Variants in MACF1 observed in about 807,000 individuals in gnomAD.
MACF1 encodes the protein microtubule actin crosslinking factor 1, also known as microtubule-actin cross-linking factor 1.
A neutral mutation model predicts 854.8 loss-of-function variants in MACF1; 193 were observed. The observed-to-expected ratio is 0.23, with a 90% CI of 0.20 to 0.25. MACF1 has a LOEUF of 0.25. Among genes scored for constraint, MACF1 ranks in the 10% least tolerant of loss-of-function variants. The probability of loss-of-function intolerance (pLI) is 1.00; values close to 1 mark genes in which losing one functional copy is unlikely to be tolerated. For missense variants in MACF1, 7,722 were observed against 8,929.1 expected (o/e 0.86, Z 5.45); for synonymous variants, 3,185 against 3,226.7 (o/e 0.99, Z 0.44).
intron 2 of MACF1, among the ~76,000 whole-genome samples, chr1:39,087,886 C>G (rs1357015801): frequency 6.6e-6 from 1 of 152,088 alleles, no homozygotes; most frequent in Non-Finnish European, 1.5e-5. Flanking sequence ...AATTCTTCTG[C>G]CTCAGCCTCC....
intron 97 of MACF1, among the ~76,000 whole-genome samples, chr1:39,473,561 G>A (rs1272743622): frequency 1.3e-5 from 2 of 152,194 alleles, no homozygotes; most frequent in African/African-American, 4.8e-5. Context: ...GCGAGAGAGT[G>A]AGCCCCACTG....
chr1:39,331,121 A>T, intron 36 of MACF1, 82 bp from the exon 37 acceptor site: 1 of 1,432,810 alleles, frequency 7.0e-7, no homozygotes, highest in African/African-American at 1.5e-5. Flanking sequence ...TCCTTTCAAT[A>T]GTTGTGCTTT....
chr1:39,103,045 A>G (rs998070762), intron 2 of MACF1: 4 of 675,334 alleles, frequency 5.9e-6, no homozygotes, highest in Non-Finnish European at 1.1e-5. Flanking sequence ...TCCTGGGAGC[A>G]TTTAAATGCA....
At chr1:39,128,541 A>G (rs1449506181) in intron 2 of MACF1, among the ~76,000 whole-genome samples, 1 of 151,474 alleles carries the variant, frequency 6.6e-6, no homozygotes, top group Non-Finnish European at 1.5e-5. Context: ...CTAAAAATAC[A>G]AAAAAAAATT....
intron 23 of MACF1, among the ~76,000 whole-genome samples, chr1:39,307,731 C>T (rs1355380111): frequency 6.6e-6 from 1 of 150,836 alleles, no homozygotes; most frequent in Non-Finnish European, 1.5e-5. Flanking sequence ...CACCACCACA[C>T]CCAGCTAATT....
In MACF1 at chr1:39,430,890, T is replaced by C. The variant is rs751550900; in HGVS notation, c.17319T>C (p.Ala5773=). Reference sequence around the variant, plus strand: ...AAAGGGTGGATGAAATTGATGCTGCTATTCAGAGATCACAACAGGTAATGC... The same window carrying C: ...AAAGGGTGGATGAAATTGATGCTGCCATTCAGAGATCACAACAGGTAATGC... ...IGQRVDEIDA[A]IQRSQQYEQA... Residue 5773 remains alanine, a synonymous_variant, in exon 66 of 101, where the codon GCT becomes GCC. Transcript: ENST00000564288. The C allele has an allele frequency of 6.2e-7, 1 of 1,612,358 alleles. No homozygotes were observed. The highest frequency in any genetic ancestry group is 1.1e-5 in the South Asian group (1 of 91,002).
chr1:39,111,779 G>C (rs1430016884), intron 2 of MACF1, among the ~76,000 whole-genome samples: 1 of 152,128 alleles, frequency 6.6e-6, no homozygotes, highest in East Asian at 1.9e-4. Context: ...CTCCCAAAAC[G>C]CTGGGATTTC....
At chr1:39,206,768 C>G (rs1004763799) in intron 1 of MACF1, 1 of 152,060 alleles carries the variant, frequency 6.6e-6, no homozygotes, top group Non-Finnish European at 1.5e-5. Flanking sequence ...GAGTTACTTA[C>G]GAGATTCTGT....
At chr1:39,089,351 T>G (rs1641749738) in intron 2 of MACF1, among the ~76,000 whole-genome samples, 1 of 152,228 alleles carries the variant, frequency 6.6e-6, no homozygotes, top group Non-Finnish European at 1.5e-5. Flanking sequence ...TTAAGCTATG[T>G]GCCAGTAGAA....
At chr1:39,367,716 G>A (rs1337830928) in intron 49 of MACF1, among the ~76,000 whole-genome samples, 1 of 152,176 alleles carries the variant, frequency 6.6e-6, no homozygotes, top group East Asian at 1.9e-4. Context: ...CGTTTGTTTA[G>A]AGGAGACAAG....
intron 1 of MACF1, chr1:39,215,291 T>C (rs1481261899): frequency 6.6e-6 from 1 of 152,566 alleles, no homozygotes; most frequent in Non-Finnish European, 1.5e-5. Flanking sequence ...CTGCGAAGGG[T>C]GCACAGGCCA....
At chr1:39,103,291 G>C (rs1642139462) in intron 2 of MACF1, 2 of 312,304 alleles carry the variant, frequency 6.4e-6, no homozygotes, top group Admixed American at 9.2e-5. Flanking sequence ...TGCTCACAAA[G>C]TGGCGCGTGT....
chr1:39,148,016 A>G (rs1436483707), intron 2 of MACF1, among the ~76,000 whole-genome samples: 1 of 152,120 alleles, frequency 6.6e-6, no homozygotes, highest in African/African-American at 2.4e-5. Context: ...TTCATACTGT[A>G]ATCTTTTGTC....
chr1:39,312,906 C>T (rs1438834550), intron 26 of MACF1, among the ~76,000 whole-genome samples: 1 of 152,130 alleles, frequency 6.6e-6, no homozygotes, highest in East Asian at 1.9e-4. Flanking sequence ...ATCAGTTGAC[C>T]AAATAATGCT....
chr1:39,360,806 C>G lies in MACF1; in HGVS notation c.12258C>G (p.Ser4086Arg). ...HVQETTDSILSHFQSLSYSLA... is the reference protein window; with the variant it reads ...HVQETTDSILRHFQSLSYSLA... ...CTGATTTTTCAGATTCCATACTCAG[C>G]CACTTCCAAAGCCTCTCCTATAGCC... Residue 4086 changes from serine (S) to arginine (R), a missense_variant, in exon 48 of 101, where the codon AGC becomes AGG. Physicochemically the swap from Ser to Arg is moderately radical, Grantham distance 110 (BLOSUM62 -1). Transcript: ENST00000564288. 1 of 1,607,388 alleles carries G rather than the reference C, an allele frequency of 6.2e-7. No homozygotes were observed. The highest frequency in any genetic ancestry group is 8.5e-7 in the Non-Finnish European group (1 of 1,176,398).
intron 2 of MACF1, among the ~76,000 whole-genome samples, chr1:39,135,273 G>A (rs927901234): frequency 2.6e-5 from 4 of 152,076 alleles, no homozygotes; most frequent in East Asian, 1.9e-4. Context: ...TTTAGACAGC[G>A]TCTTGCTCTG....
chr1:39,094,731 GA>G (rs912865339), intron 2 of MACF1, among the ~76,000 whole-genome samples: 4 of 150,592 alleles, frequency 2.7e-5, no homozygotes, highest in African/African-American at 7.4e-5. Context: ...AAAAAAAAAA[GA>G]AAAAAAGAAA....
chr1:39,405,930 T>C (rs1642680650), intron 58 of MACF1, among the ~76,000 whole-genome samples: 2 of 152,234 alleles, frequency 1.3e-5, no homozygotes, highest in African/African-American at 4.8e-5. Context: ...GAAAGCTGTA[T>C]CAGGTATTTA....
chr1:39,428,177 G>T lies in MACF1; in HGVS notation c.16693G>T (p.Asp5565Tyr). 1.2e-6 allele frequency: 2 copies of T among 1,614,190 alleles called. No individual in the cohort carries two copies. Among genetic ancestry groups the T allele is most frequent in the Non-Finnish European group, 1.7e-6 (2 of 1,180,026 alleles). The change falls in exon 63 of 101, where the codon GAT becomes TAT. Residue 5565 changes from aspartate (D) to tyrosine (Y), a missense_variant. Asp to Tyr is a radical substitution (Grantham distance 160). This residue lies in a region of MACF1 where 2,807 missense variants were observed against 3,235.8 expected (regional missense o/e 0.87). Transcript: ENST00000564288. ...ALSNARLFGE[D>Y]EVEVLNWLAE... ...GTCTAATGCTAGGCTGTTTGGGGAG[G>T]ATGAGGTGGAGGTGCTCAACTGGCT...
Sources: gnomAD v4.1 joint callset for allele counts (sites outside exome capture counted in the v4.1 genomes callset) on GRCh38, gnomAD v4.1.1 for gene constraint, gnomAD v4.1.1 regional missense constraint, MANE v1.5 for transcripts, NCBI Gene and HGNC (gene_info 2026-07-23, HGNC 2026-07-21) for gene names.